MBTD1: variants seen among roughly 807,000 people sequenced by gnomAD.
The protein encoded by MBTD1 is mbt domain containing 1.
A neutral mutation model predicts 87.8 loss-of-function variants in MBTD1; 24 were observed. The ratio of observed to expected loss-of-function variants is 0.27; its 90% CI spans 0.20 to 0.38. The LOEUF (loss-of-function observed/expected upper bound fraction) is 0.38, where lower values mean the gene tolerates loss of function less well. Among genes scored for constraint, MBTD1 ranks in the 10% least tolerant of loss-of-function variants. The pLI is 1.00. For synonymous variants in MBTD1, 237 were observed against 248.6 expected, an observed-to-expected ratio of 0.95 and a Z score of 0.44; for missense variants, 436 against 760.2, an observed-to-expected ratio of 0.57 and a Z score of 5.02.
chr17:51,253,645 A>G (rs899866667), intron 2 of MBTD1, among the ~76,000 whole-genome samples: 1 of 152,196 alleles, frequency 6.6e-6, no homozygotes, highest in Non-Finnish European at 1.5e-5. Context: ...TGGCATGGGA[A>G]GATGAATCTA....
chr17:51,258,023 A>G (rs2055194040), intron 2 of MBTD1, among the ~76,000 whole-genome samples: 1 of 148,942 alleles, frequency 6.7e-6, no homozygotes, highest in African/African-American at 2.5e-5. Context: ...AAAAAAAAAA[A>G]GTACAGCTAT....
At chr17:51,212,364 A>AAAAAAAAG (rs974459007) in intron 6 of MBTD1, among the ~76,000 whole-genome samples, 1 of 151,438 alleles carries the variant, frequency 6.6e-6, no homozygotes, top group Non-Finnish European at 1.5e-5. Flanking sequence ...CCTCAAAAAA[A>AAAAAAAAG]AAAAGAAAAG....
At chr17:51,220,762 G>C (rs1234684716) in intron 3 of MBTD1, among the ~76,000 whole-genome samples, 2 of 152,112 alleles carry the variant, frequency 1.3e-5, no homozygotes, top group African/African-American at 4.8e-5. Flanking sequence ...CATTTCCTTA[G>C]TGCTTACCAT....
At chr17:51,233,306 C>CT (rs1453555765) in intron 2 of MBTD1, among the ~76,000 whole-genome samples, 9 of 152,058 alleles carry the variant, frequency 5.9e-5, no homozygotes, top group African/African-American at 1.7e-4. Context: ...ATTAAGGCCT[C>CT]TAAGTATATG....
chr17:51,258,003 T>A (rs1411984397), intron 2 of MBTD1, among the ~76,000 whole-genome samples: 2 of 91,134 alleles, frequency 2.2e-5, no homozygotes. Context: ...GAGAAGGAGG[T>A]GGTGCAAAAA....
chr17:51,241,275 G>A (rs923172813), intron 2 of MBTD1, among the ~76,000 whole-genome samples: 1 of 152,008 alleles, frequency 6.6e-6, no homozygotes. Context: ...CACCTGGCTG[G>A]TGTTAATTTT....
Position 51,238,512 on chromosome 17 carries a change from G to C in MBTD1, c.-48-13303C>G, listed in dbSNP as rs117218137. Among the ~76,000 whole-genome samples the C allele has an allele frequency of 9.8e-5, 15 of 152,314 alleles. 2 individuals carry two copies. Among genetic ancestry groups the C allele is most frequent in the African/African-American group, 3.6e-4 (15 of 41,574 alleles). On this transcript the variant is annotated intron_variant, in intron 2 of 16. Coordinates refer to ENST00000586178, the MANE Select transcript of MBTD1 (RefSeq NM_017643.3). ...AAAGGGATGTCTCAGCGTTACAGCTGTATAGCGGGTTTAGAGAACAACCAG... is the reference window on the plus strand; with the variant it reads ...AAAGGGATGTCTCAGCGTTACAGCTCTATAGCGGGTTTAGAGAACAACCAG...
rs1390221692 is a variant in MBTD1 at position 51,180,624 on chromosome 17, A to C, written c.1839T>G (p.Asp613Glu). Reference protein sequence around the residue: ...EDYNFLQGASDQESNGSANFY... With the variant: ...EDYNFLQGASEQESNGSANFY... ...AGTTGGCAGAGCCATTGCTTTCCTG[A>C]TCAGACGCTCCTTGAAGGAAATTAT... Residue 613 changes from aspartate to glutamate, a missense_variant, in exon 17 of 17, where the codon GAT becomes GAG. By Grantham distance (45) the Asp-to-Glu change is conservative. Around this residue, in one of 5 missense-constraint regions of MBTD1, gnomAD observed 32 missense variants for 34.7 expected, o/e 0.92. Coordinates refer to ENST00000586178, the MANE Select transcript of MBTD1 (RefSeq NM_017643.3). 6.4e-7 allele frequency: 1 copy of C among 1,551,746 alleles called. No homozygotes were observed. The highest frequency in any genetic ancestry group is 1.4e-5 in the African/African-American group (1 of 73,114).
At chr17:51,222,406 TTTTG>T (rs369433138) in intron 3 of MBTD1, among the ~76,000 whole-genome samples, 1 of 150,592 alleles carries the variant, frequency 6.6e-6, no homozygotes, top group African/African-American at 2.5e-5. Flanking sequence ...TTTTGTTTTG[TTTTG>T]TTTGTTTTTT....
At chr17:51,211,406 C>A (rs182809185) in intron 6 of MBTD1, among the ~76,000 whole-genome samples, 20 of 151,182 alleles carry the variant, frequency 1.3e-4, no homozygotes, top group Admixed American at 1.3e-3. Context: ...ACTTGTGAGG[C>A]TGAGGTGGGA....
At chr17:51,227,242 CAAAA>C (rs71149355) in intron 2 of MBTD1, among the ~76,000 whole-genome samples, 2 of 115,634 alleles carry the variant, frequency 1.7e-5, no homozygotes, top group East Asian at 2.5e-4. Context: ...ACTCTGTCTC[CAAAA>C]AAAAAAAAAA....
chr17:51,252,847 T>C (rs1360569704), intron 2 of MBTD1, among the ~76,000 whole-genome samples: 1 of 152,060 alleles, frequency 6.6e-6, no homozygotes, highest in African/African-American at 2.4e-5. Flanking sequence ...CCTTGCTTTA[T>C]ATTTGGGTGT....
At chr17:51,224,667 A>C (rs1425970052) in intron 3 of MBTD1, among the ~76,000 whole-genome samples, 1 of 152,196 alleles carries the variant, frequency 6.6e-6, no homozygotes, top group African/African-American at 2.4e-5. Flanking sequence ...AATATAGAGG[A>C]GGGAGCCCAA....
At chr17:51,259,050 GACA>G (rs2055275652) in intron 2 of MBTD1, 90 bp downstream of exon 2, 2 of 398,544 alleles carry the variant, frequency 5.0e-6, no homozygotes, top group East Asian at 7.1e-5. Context: ...AGGGTAGGCA[GACA>G]ACAATTAGAA....
chr17:51,235,049 T>A (rs2053756186), intron 2 of MBTD1, among the ~76,000 whole-genome samples: 1 of 152,172 alleles, frequency 6.6e-6, no homozygotes, highest in African/African-American at 2.4e-5. Flanking sequence ...TACAAACTCA[T>A]TCTACTAGGC....
chr17:51,231,992 A>T (rs1183821088), intron 2 of MBTD1, among the ~76,000 whole-genome samples: 3 of 152,144 alleles, frequency 2.0e-5, no homozygotes, highest in Non-Finnish European at 2.9e-5. Flanking sequence ...AAACTCCTAC[A>T]TTAGACCAAA....
At chr17:51,241,488 G>A (rs1262678696) in intron 2 of MBTD1, among the ~76,000 whole-genome samples, 1 of 152,150 alleles carries the variant, frequency 6.6e-6, no homozygotes, top group Non-Finnish European at 1.5e-5. Context: ...ACGTTCACCA[G>A]TCAGCATTCT....
chr17:51,256,264 CA>C (rs1297829355), intron 2 of MBTD1: 1 of 152,192 alleles, frequency 6.6e-6, no homozygotes, highest in Non-Finnish European at 1.5e-5. Context: ...CCCTGTATTT[CA>C]GATGAGGAAA....
chr17:51,201,999 G>T, intron 11 of MBTD1, 23 bp downstream of exon 11: 1 of 1,539,214 alleles, frequency 6.5e-7, no homozygotes, highest in Non-Finnish European at 9.0e-7. Flanking sequence ...TTACAAATGA[G>T]GGTTCTTATA....
Sources: allele counts gnomAD v4.1 joint callset (sites outside exome capture counted in the v4.1 genomes callset), GRCh38; gene constraint gnomAD v4.1.1; regional missense constraint gnomAD v4.1.1; transcripts MANE v1.5; gene names NCBI Gene and HGNC (gene_info 2026-07-23, HGNC 2026-07-21).